The following SNX32 variants were observed in gnomAD, a reference collection of about 807,000 sequenced individuals.
SNX32 encodes the protein sorting nexin-32.
In SNX32, 58 loss-of-function variants were observed where a neutral mutation model predicts 57.0. That is an observed-to-expected ratio of 1.02 (90% confidence interval 0.82 to 1.27). SNX32 has a LOEUF of 1.27. SNX32 is among the 50% of genes most tolerant of loss of function. The pLI is 0.00. For missense variants in SNX32, 589 were observed against 541.2 expected (o/e 1.09, Z -0.88); for synonymous variants, 262 against 220.4 (o/e 1.19, Z -1.67).
intron 1 of SNX32, among the ~76,000 whole-genome samples, chr11:65,834,787 G>T (rs934144811): frequency 1.3e-5 from 2 of 149,592 alleles, no homozygotes; most frequent in Non-Finnish European, 3.0e-5. Context: ...CTGTGTGTGT[G>T]TGTCTCTGTG....
At chr11:65,840,571 A>C (rs1487863280) in intron 1 of SNX32, among the ~76,000 whole-genome samples, 1 of 152,180 alleles carries the variant, frequency 6.6e-6, no homozygotes, top group Non-Finnish European at 1.5e-5. Context: ...GGGAGGCCTA[A>C]TTTAGGAGAT....
chr11:65,852,265 C>G (rs1859224116), intron 9 of SNX32, among the ~76,000 whole-genome samples, 200 bp from the exon 10 acceptor site: 1 of 152,134 alleles, frequency 6.6e-6, no homozygotes, highest in Non-Finnish European at 1.5e-5. Context: ...CTCTGTCCAG[C>G]TCTTACTCAG....
intron 1 of SNX32, among the ~76,000 whole-genome samples, chr11:65,842,286 A>G (rs1459484803): frequency 6.6e-6 from 1 of 152,212 alleles, no homozygotes; most frequent in East Asian, 1.9e-4. Context: ...TTTATAACAA[A>G]CAGTGCTCAA....
intron 9 of SNX32, among the ~76,000 whole-genome samples, chr11:65,852,229 T>G (rs1490088002): frequency 6.6e-6 from 1 of 152,110 alleles, no homozygotes; most frequent in Non-Finnish European, 1.5e-5. Flanking sequence ...TAGCCGGGCT[T>G]GCACAGCTGC....
intron 1 of SNX32, among the ~76,000 whole-genome samples, chr11:65,848,147 C>T (rs1233764276): frequency 6.6e-6 from 1 of 152,086 alleles, no homozygotes; most frequent in Admixed American, 6.6e-5. Flanking sequence ...GTGCCAAAAG[C>T]AGAGAGAGGA....
At chr11:65,839,985 G>A (rs948028325) in intron 1 of SNX32, among the ~76,000 whole-genome samples, 16 of 151,758 alleles carry the variant, frequency 1.1e-4, no homozygotes, top group Admixed American at 6.6e-4. Flanking sequence ...GAGAAACCCC[G>A]TCTCTACTAA....
rs917211310 is a variant in SNX32, at chr11:65,852,662, C to T, written c.945C>T (p.Ala315=). Residue 315 remains alanine, a synonymous_variant, in exon 11 of 13, where the codon GCC becomes GCT. Coordinates refer to ENST00000308342, the MANE Select transcript of SNX32 (RefSeq NM_152760.3). The part of the protein sequence containing the change: ...DLLYRRLRAL[A]DYENANKALD... The stretch of plus-strand genomic sequence containing the variant: ...TGTACCGGCGGCTGCGGGCACTGGC[C>T]GACTACGAGAATGCCAACAAGGCGC... 10 of 1,599,902 alleles carry T rather than the reference C, an allele frequency of 6.3e-6. No individual in the cohort carries two copies. The highest frequency in any genetic ancestry group is 4.0e-5 in the African/African-American group (3 of 74,786).
In SNX32 at chr11:65,853,495, C is replaced by CA; in HGVS notation, c.*161dup. The CA allele has an allele frequency of 1.4e-6, 1 of 702,242 alleles. No homozygotes were observed. The highest frequency in any genetic ancestry group is 2.4e-6 in the Non-Finnish European group (1 of 408,384). 43.5% of individuals were successfully genotyped at this position (702,242 alleles called of 1,614,324 possible). ...AGGGAAAGCCCAAACCCCCTATCACCACCACCACAGGTGCCAGGCCCTGCA... is the reference window on the plus strand; with the variant it reads ...AGGGAAAGCCCAAACCCCCTATCACCAACCACCACAGGTGCCAGGCCCTGCA... On this transcript the variant is annotated 3_prime_UTR_variant, in exon 13 of 13. Transcript: ENST00000308342.
At position 65,839,387 on chromosome 11, in the gene SNX32, G is replaced by A. The variant is rs1281834781; in HGVS notation, c.36+5286G>A. Among the ~76,000 whole-genome samples the A allele has an allele frequency of 6.1e-5, 9 of 146,782 alleles. No homozygotes were observed. In the East Asian group the frequency reaches 6.3e-4, roughly 10 times the overall value. ...TGGGACTACAGGCGCCCGCCACTAC[G>A]CCCGGCTAATTTTTTGTATTTTTAG... On this transcript the variant is annotated intron_variant, in intron 1 of 12. Coordinates refer to ENST00000308342, the MANE Select transcript of SNX32 (RefSeq NM_152760.3).
rs1367847860 is a variant in SNX32 at position 65,846,849 on chromosome 11, G to A, written c.37-2629G>A. ...AAATACAAAATTAGCTGGGCGTGGT[G>A]GCGGGCGCCTGTAATCCCAGCTACC... On this transcript the variant is annotated intron_variant, in intron 1 of 12. Transcript: ENST00000308342. Among the ~76,000 whole-genome samples the A allele has an allele frequency of 3.3e-5, 5 of 152,162 alleles. No individual in the cohort carries two copies. The East Asian group carries it at 9.7e-4, about 29-fold the overall frequency.
In SNX32 at chr11:65,833,968, C is replaced by A; in HGVS notation, c.-98C>A. On this transcript the variant is annotated 5_prime_UTR_variant, in exon 1 of 13. The change creates a new upstream start codon in the 5' untranslated region. Transcript: ENST00000308342. Reference sequence around the variant, plus strand: ...GGGCGGGGGAGAGCGTCCCCGTCAGCTGAGAGCATCCTCACTCGGTCAGTT... The same window carrying A: ...GGGCGGGGGAGAGCGTCCCCGTCAGATGAGAGCATCCTCACTCGGTCAGTT... 2 of 1,390,410 alleles carry A rather than the reference C, an allele frequency of 1.4e-6. No individual in the cohort carries two copies. The highest frequency in any genetic ancestry group is 2.0e-6 in the Non-Finnish European group (2 of 1,018,878). 86.1% of individuals were successfully genotyped at this position (1,390,410 alleles called of 1,614,324 possible). A position where few individuals can be genotyped will look rare whatever the true frequency, so the allele number is the denominator to read the frequency against.
intron 9 of SNX32, among the ~76,000 whole-genome samples, chr11:65,851,896 T>C (rs1469130418): frequency 6.6e-6 from 1 of 152,074 alleles, no homozygotes; most frequent in African/African-American, 2.4e-5. Flanking sequence ...GGCATGCACA[T>C]GTATGCACGT....
chr11:65,851,605 C>T (rs377194928), intron 8 of SNX32, 35 bp from the exon 9 acceptor site: 2 of 1,612,716 alleles, frequency 1.2e-6, no homozygotes, highest in African/African-American at 1.3e-5. Flanking sequence ...TGTTCCTCAG[C>T]CCCCTACCCT....
intron 5 of SNX32, 71 bp downstream of exon 5, chr11:65,850,625 G>A (rs1020358085): frequency 7.7e-6 from 12 of 1,559,434 alleles, no homozygotes; most frequent in Non-Finnish European, 1.0e-5. Context: ...GCACCCAGGG[G>A]TGGCAGGGCT....
chr11:65,852,711 C>T lies in SNX32; in HGVS notation c.994C>T (p.Arg332Trp), dbSNP rs749538202. 21 of 1,598,644 alleles carry T rather than the reference C, an allele frequency of 1.3e-5. No individual in the cohort carries two copies. In the Admixed American group the frequency reaches 1.5e-4, roughly 12 times the overall value. ...GCTGGACAAGGCGCGCACCAGGAACCGGGAGGTGCGGCCCGCCGAGAGCCA... is the reference window on the plus strand; with the variant it reads ...GCTGGACAAGGCGCGCACCAGGAACTGGGAGGTGCGGCCCGCCGAGAGCCA... ...KALDKARTRN[R>W]EVRPAESHQQ... Residue 332 changes from arginine to tryptophan, a missense_variant, in exon 11 of 13, where the codon CGG becomes TGG. Transcript: ENST00000308342.
intron 1 of SNX32, chr11:65,835,566 C>G (rs1858646998): frequency 6.6e-6 from 1 of 152,228 alleles, no homozygotes; most frequent in Non-Finnish European, 1.5e-5. Flanking sequence ...GAGGTGCACC[C>G]TTTTGGGAGA....
intron 1 of SNX32, among the ~76,000 whole-genome samples, chr11:65,848,851 A>C (rs925028213): frequency 2.6e-5 from 4 of 152,052 alleles, no homozygotes; most frequent in Non-Finnish European, 4.4e-5. Context: ...GGAATTAAGA[A>C]ACTGGGTTTT....
intron 9 of SNX32, 143 bp downstream of exon 9, chr11:65,851,822 T>A: frequency 1.1e-6 from 1 of 881,372 alleles, no homozygotes; most frequent in Non-Finnish European, 1.8e-6. Context: ...CACTCCAGAC[T>A]AGTTTAACAA....
At chr11:65,841,500 A>C (rs1027057597) in intron 1 of SNX32, among the ~76,000 whole-genome samples, 4 of 152,094 alleles carry the variant, frequency 2.6e-5, no homozygotes, top group African/African-American at 9.7e-5. Flanking sequence ...AGCCTTCCAA[A>C]GTGCTGGGTT....
Sources: gnomAD v4.1 joint callset for allele counts (sites outside exome capture counted in the v4.1 genomes callset) on GRCh38, gnomAD v4.1.1 for gene constraint, MANE v1.5 for transcripts, NCBI Gene and HGNC (gene_info 2026-07-23, HGNC 2026-07-21) for gene names.